CDK5RAP2: variants seen among roughly 807,000 people sequenced by gnomAD.
CDK5RAP2 encodes CDK5 regulatory subunit-associated protein 2.
CDK5RAP2 carries 147 observed loss-of-function variants against 232.9 expected under a neutral mutation model. The ratio of observed to expected loss-of-function variants is 0.63; its 90% confidence interval spans 0.55 to 0.72. The LOEUF is 0.72. Ranked by LOEUF, CDK5RAP2 falls within the 30% of genes least tolerant of loss-of-function variation. The pLI, the probability that CDK5RAP2 is intolerant of heterozygous loss-of-function variation, is 0.00. For missense variants in CDK5RAP2, 2,195 were observed against 2,231.5 expected (o/e 0.98, Z 0.33); for synonymous variants, 833 against 833.7 (o/e 1.00, Z 0.01).
At chr9:120,575,048 C>CTGTTT (rs1187599753) in intron 1 of CDK5RAP2, among the ~76,000 whole-genome samples, 3 of 151,968 alleles carry the variant, frequency 2.0e-5, no homozygotes, top group African/African-American at 7.2e-5. Context: ...ATCATAACGA[C>CTGTTT]TGTTTTGTTT....
At chr9:120,458,735 C>A in intron 19 of CDK5RAP2, 113 bp from the exon 20 acceptor site, 1 of 939,572 alleles carries the variant, frequency 1.1e-6, no homozygotes, top group Non-Finnish European at 1.7e-6. Context: ...GCCAGACACA[C>A]TGAGCCAGAG....
intron 27 of CDK5RAP2, among the ~76,000 whole-genome samples, chr9:120,418,939 G>A (rs182900142): frequency 5.4e-4 from 82 of 152,324 alleles, no homozygotes; most frequent in Middle Eastern, 3.4e-3. Context: ...ATGGTCGGAG[G>A]CAGAGCAAAG....
chr9:120,503,661 G>A (rs893395256), intron 12 of CDK5RAP2, among the ~76,000 whole-genome samples: 2 of 152,122 alleles, frequency 1.3e-5, no homozygotes, highest in East Asian at 1.9e-4. Context: ...TTTCCTTTCC[G>A]GTAAATGAAG....
At position 120,391,465 on chromosome 9, in the gene CDK5RAP2, GTGC is replaced by G. The variant is rs1288546413; in HGVS notation, c.5579-1681_5579-1679del. Among the ~76,000 whole-genome samples the G allele has an allele frequency of 2.0e-5, 3 of 152,244 alleles. No homozygotes were observed. In the East Asian group the frequency reaches 5.8e-4, roughly 29 times the overall value. On this transcript the variant is annotated intron_variant, in intron 36 of 37. Transcript: ENST00000349780. ...CCATGGTTCTTCCCACCTCAGCAGA[GTGC>G]TGGGAAGAAGGTACCGACCTGAGCT...
intron 12 of CDK5RAP2, among the ~76,000 whole-genome samples, chr9:120,518,121 A>T (rs1325357403): frequency 4.6e-5 from 7 of 151,712 alleles, no homozygotes; most frequent in Non-Finnish European, 8.8e-5. Flanking sequence ...CATTAAACTT[A>T]AAAAAGCACG....
chr9:120,441,731 G>A (rs1175564024), intron 23 of CDK5RAP2, among the ~76,000 whole-genome samples: 1 of 152,198 alleles, frequency 6.6e-6, no homozygotes, highest in African/African-American at 2.4e-5. Context: ...ATACCATAAA[G>A]TATGGCATTT....
At chr9:120,391,809 C>CCTAGT (rs1442745498) in intron 36 of CDK5RAP2, among the ~76,000 whole-genome samples, 1 of 152,220 alleles carries the variant, frequency 6.6e-6, no homozygotes, top group Non-Finnish European at 1.5e-5. Flanking sequence ...CCAACTTTCT[C>CCTAGT]CTAGTCCCTT....
intron 30 of CDK5RAP2, 149 bp downstream of exon 30, chr9:120,408,978 T>A: frequency 2.7e-6 from 2 of 739,998 alleles, no homozygotes; most frequent in South Asian, 1.6e-5. Flanking sequence ...TCTCCATATG[T>A]TGTAGGCGCA....
chr9:120,430,769 C>T (rs2035236289), intron 25 of CDK5RAP2, among the ~76,000 whole-genome samples: 1 of 151,192 alleles, frequency 6.6e-6, no homozygotes, highest in Non-Finnish European at 1.5e-5. Flanking sequence ...TGGGTATATA[C>T]CCAAAGGACT....
intron 18 of CDK5RAP2, among the ~76,000 whole-genome samples, chr9:120,465,422 T>C (rs1475017346): frequency 6.6e-6 from 1 of 152,200 alleles, no homozygotes; most frequent in African/African-American, 2.4e-5. Flanking sequence ...ATACCTGTTC[T>C]TGGTGTTCTG....
chr9:120,484,536 A>G (rs2038491904), intron 14 of CDK5RAP2, among the ~76,000 whole-genome samples: 1 of 152,122 alleles, frequency 6.6e-6, no homozygotes, highest in Non-Finnish European at 1.5e-5. Flanking sequence ...AGCCTGGCCA[A>G]CGTGGTGAAA....
chr9:120,493,351 T>C (rs532506348), intron 12 of CDK5RAP2, among the ~76,000 whole-genome samples: 10 of 152,352 alleles, frequency 6.6e-5, no homozygotes, highest in South Asian at 6.2e-4. Context: ...ACAGCCACCA[T>C]TGGAGGATTC....
At position 120,409,262 on chromosome 9, in the gene CDK5RAP2, C is replaced by T; in HGVS notation, c.4469G>A (p.Ser1490Asn). 6.2e-7 allele frequency: 1 copy of T among 1,613,618 alleles called. No individual in the cohort carries two copies. The highest frequency in any genetic ancestry group is 8.5e-7 in the Non-Finnish European group (1 of 1,179,752). ...ATACTCCCGCTGAAGGTGCTCCAGG[C>T]TCACGGTCTTCCTGGAGAGGGACTC... The part of the protein sequence containing the change: ...LRESLSRKTV[S>N]LEHLQREYAS... Residue 1490 changes from serine (S) to asparagine (N), a missense_variant, in exon 30 of 38, where the codon AGC (serine) becomes AAC (asparagine). Coordinates refer to ENST00000349780, the MANE Select transcript of CDK5RAP2 (RefSeq NM_018249.6).
intron 29 of CDK5RAP2, among the ~76,000 whole-genome samples, chr9:120,410,398 C>T (rs12344382): frequency 0.017 from 2,583 of 152,258 alleles, 59 homozygotes; most frequent in African/African-American, 0.056. Context: ...TCAGCACCTT[C>T]GCTAAGCCCT....
intron 27 of CDK5RAP2, among the ~76,000 whole-genome samples, chr9:120,418,424 T>C (rs1399934332): frequency 6.6e-6 from 1 of 152,166 alleles, no homozygotes; most frequent in Non-Finnish European, 1.5e-5. Flanking sequence ...GTTTAAATAA[T>C]TTGGGTTGCT....
intron 25 of CDK5RAP2, among the ~76,000 whole-genome samples, chr9:120,428,875 C>T (rs1393060209): frequency 3.9e-5 from 6 of 152,252 alleles, no homozygotes; most frequent in African/African-American, 9.6e-5. Context: ...ACTGGCAAAC[C>T]GAATCCAGCA....
At chr9:120,445,259 C>A (rs973804774) in intron 22 of CDK5RAP2, among the ~76,000 whole-genome samples, 3 of 152,196 alleles carry the variant, frequency 2.0e-5, no homozygotes, top group Non-Finnish European at 2.9e-5. Flanking sequence ...GCTGCCACTT[C>A]TACATCATTC....
chr9:120,457,755 C>T (rs370561155), intron 20 of CDK5RAP2, among the ~76,000 whole-genome samples: 20 of 152,290 alleles, frequency 1.3e-4, no homozygotes, highest in African/African-American at 4.3e-4. Context: ...TTATTGAACA[C>T]GCATCACACC....
chr9:120,546,078 CAA>C (rs1746857521), intron 4 of CDK5RAP2, among the ~76,000 whole-genome samples: 1 of 152,190 alleles, frequency 6.6e-6, no homozygotes. Context: ...AAATGTCATA[CAA>C]GGAAGGCTGA....
Sources: allele counts gnomAD v4.1 joint callset (sites outside exome capture counted in the v4.1 genomes callset), GRCh38; gene constraint gnomAD v4.1.1; transcripts MANE v1.5; gene names NCBI Gene and HGNC (gene_info 2026-07-23, HGNC 2026-07-21).